Variants in FRK observed in about 807,000 individuals in gnomAD.
FRK encodes the protein tyrosine-protein kinase FRK.
Under a neutral mutation model 56.4 loss-of-function variants are expected in FRK, and 51 were observed. That is an observed-to-expected ratio of 0.90 (90% confidence interval 0.72 to 1.14). FRK has a LOEUF of 1.14. Ranked by LOEUF, FRK falls within the 50% of genes most tolerant of loss-of-function variation. The pLI, the probability that FRK is intolerant of heterozygous loss-of-function variation, is 0.00. For missense variants in FRK, 570 were observed against 601.4 expected (o/e 0.95, Z 0.55); for synonymous variants, 245 against 217.9 (o/e 1.12, Z -1.10).
At chr6:116,056,075 C>T (rs1255498748) in intron 1 of FRK, among the ~76,000 whole-genome samples, 2 of 152,134 alleles carry the variant, frequency 1.3e-5, no homozygotes, top group Non-Finnish European at 2.9e-5. Flanking sequence ...CATTCCCCTC[C>T]TACCAATCCC....
chr6:115,955,955 GA>G (rs1772968334), intron 5 of FRK, among the ~76,000 whole-genome samples: 1 of 152,150 alleles, frequency 6.6e-6, no homozygotes, highest in Non-Finnish European at 1.5e-5. Context: ...TTTTTTGTCT[GA>G]CAATTCTTAT....
intron 5 of FRK, among the ~76,000 whole-genome samples, chr6:115,952,219 T>C (rs1481369869): frequency 6.6e-6 from 1 of 152,208 alleles, no homozygotes; most frequent in Non-Finnish European, 1.5e-5. Context: ...TGTCTTTTGT[T>C]GCCATTGCTT....
chr6:115,972,949 C>T (rs1277656897), intron 2 of FRK, among the ~76,000 whole-genome samples: 1 of 152,146 alleles, frequency 6.6e-6, no homozygotes, highest in African/African-American at 2.4e-5. Context: ...TCTAAGAAGA[C>T]ACACCTCCAG....
chr6:115,980,479 T>G (rs975615623), intron 2 of FRK, among the ~76,000 whole-genome samples: 10 of 152,262 alleles, frequency 6.6e-5, no homozygotes, highest in Non-Finnish European at 1.5e-4. Flanking sequence ...TGAGGTTCCT[T>G]GTGGAAACCA....
chr6:116,076,002 C>T, the FRK span, among the ~76,000 whole-genome samples: 1 of 152,172 alleles, frequency 6.6e-6, no homozygotes, highest in African/African-American at 2.4e-5. Flanking sequence ...TTGACTTCTT[C>T]CTGGAAATTC....
At chr6:115,999,981 T>C (rs1774992231) in intron 2 of FRK, among the ~76,000 whole-genome samples, 1 of 152,150 alleles carries the variant, frequency 6.6e-6, no homozygotes, top group Admixed American at 6.5e-5. Context: ...ATCATAATGA[T>C]ATGCTGGTCT....
At chr6:116,002,374 T>C (rs1403164456) in intron 2 of FRK, among the ~76,000 whole-genome samples, 1 of 152,194 alleles carries the variant, frequency 6.6e-6, no homozygotes, top group Admixed American at 6.5e-5. Flanking sequence ...ATCCCAGCAC[T>C]TTGGGAGGCC....
intron 2 of FRK, among the ~76,000 whole-genome samples, chr6:115,978,073 T>A (rs1774051835): frequency 6.6e-6 from 1 of 152,190 alleles, no homozygotes. Flanking sequence ...AATAACTTGA[T>A]TCTTTATTCC....
chr6:115,978,204 G>A (rs1311906990), intron 2 of FRK, among the ~76,000 whole-genome samples: 1 of 152,098 alleles, frequency 6.6e-6, no homozygotes, highest in African/African-American at 2.4e-5. Flanking sequence ...AAGATATAAT[G>A]AGACATGAGA....
intron 1 of FRK, among the ~76,000 whole-genome samples, chr6:116,031,786 G>A (rs976064653): frequency 2.0e-5 from 3 of 152,068 alleles, no homozygotes; most frequent in Admixed American, 2.0e-4. Context: ...AATACACCAT[G>A]TCTTGGTTAT....
At chr6:115,960,096 C>G (rs527391643) in intron 4 of FRK, among the ~76,000 whole-genome samples, 2 of 152,204 alleles carry the variant, frequency 1.3e-5, no homozygotes, top group South Asian at 4.2e-4. Flanking sequence ...GTGAGCGACG[C>G]AGAAGACGGG....
intron 2 of FRK, among the ~76,000 whole-genome samples, chr6:115,999,266 T>C (rs1265484586): frequency 1.3e-5 from 2 of 152,212 alleles, no homozygotes; most frequent in African/African-American, 4.8e-5. Context: ...ACTAAAACTA[T>C]CTGTCATGCA....
the FRK span, among the ~76,000 whole-genome samples, chr6:116,095,664 T>C: frequency 6.6e-6 from 1 of 152,212 alleles, no homozygotes; most frequent in Non-Finnish European, 1.5e-5. Flanking sequence ...ATCTACTTCA[T>C]GATCCTACTA....
the FRK span, among the ~76,000 whole-genome samples, chr6:116,099,495 C>A: frequency 1.3e-5 from 2 of 152,210 alleles, no homozygotes; most frequent in African/African-American, 4.8e-5. Flanking sequence ...CTCCAACAAT[C>A]CAGCCTTTTC....
chr6:115,981,443 C>G (rs962026741), intron 2 of FRK, among the ~76,000 whole-genome samples: 1 of 151,994 alleles, frequency 6.6e-6, no homozygotes, highest in South Asian at 2.1e-4. Flanking sequence ...AACATTTAAC[C>G]ACTAATTTCC....
At chr6:116,083,838 T>C in the FRK span, among the ~76,000 whole-genome samples, 21 of 151,852 alleles carry the variant, frequency 1.4e-4, no homozygotes, top group African/African-American at 4.8e-4. Flanking sequence ...TTTTTTTTTT[T>C]TTTGGATAGA....
the FRK span, among the ~76,000 whole-genome samples, chr6:116,083,515 T>A: frequency 6.6e-6 from 1 of 152,122 alleles, no homozygotes; most frequent in Non-Finnish European, 1.5e-5. Context: ...AAGTGAAGGG[T>A]TAGCTTTACC....
Position 116,060,443 on chromosome 6 carries a change from T to A in FRK, c.-132A>T. On this transcript the variant is annotated 5_prime_UTR_variant, in exon 1 of 8. Transcript: ENST00000606080. The stretch of plus-strand genomic sequence containing the variant: ...ACCATACTTCGGAGAGTATGCAAAG[T>A]CCCGTTTCAGATCAGTCCAGCAGCT... 1 of 687,748 alleles carries A rather than the reference T, an allele frequency of 1.5e-6. No homozygotes were observed. The highest frequency in any genetic ancestry group is 2.4e-6 in the Non-Finnish European group (1 of 410,514). The allele number at this position is 687,748 out of a possible 1,614,324, so 42.6% of individuals were successfully genotyped here. A position where few individuals can be genotyped will look rare whatever the true frequency, so the allele number is the denominator to read the frequency against.
the FRK span, among the ~76,000 whole-genome samples, chr6:116,077,258 C>G: frequency 2.8e-4 from 43 of 152,124 alleles, no homozygotes; most frequent in Non-Finnish European, 5.0e-4. Flanking sequence ...GGAATTAGTT[C>G]CCAATGCATC....
Sources: allele counts gnomAD v4.1 joint callset (sites outside exome capture counted in the v4.1 genomes callset), GRCh38; gene constraint gnomAD v4.1.1; transcripts MANE v1.5; gene names NCBI Gene and HGNC (gene_info 2026-07-23, HGNC 2026-07-21).